Variants in ANTXR1 observed in about 807,000 individuals in gnomAD.
ANTXR1 encodes the protein anthrax toxin receptor 1.
A neutral mutation model predicts 78.1 loss-of-function variants in ANTXR1; 19 were observed. The observed-to-expected ratio is 0.24, with a 90% CI of 0.17 to 0.36. ANTXR1 has a LOEUF of 0.36. Among genes scored for constraint, ANTXR1 ranks in the 10% least tolerant of loss-of-function variants. The pLI is 1.00. For synonymous variants in ANTXR1, 273 were observed against 260.5 expected, an observed-to-expected ratio of 1.05 and a Z score of -0.46; for missense variants, 518 against 718.6, an observed-to-expected ratio of 0.72 and a Z score of 3.19.
chr2:69,099,405 C>T (rs1292660487), intron 9 of ANTXR1, among the ~76,000 whole-genome samples: 3 of 152,078 alleles, frequency 2.0e-5, no homozygotes, highest in East Asian at 1.9e-4. Context: ...CCACTGTGAC[C>T]GTTAATATGT....
chr2:69,146,750 G>T (rs1312261762), intron 12 of ANTXR1, among the ~76,000 whole-genome samples: 1 of 152,244 alleles, frequency 6.6e-6, no homozygotes, highest in African/African-American at 2.4e-5. Flanking sequence ...CACCCTGCCA[G>T]CTCTCATCTG....
intron 12 of ANTXR1, among the ~76,000 whole-genome samples, chr2:69,140,224 T>G (rs572644827): frequency 2.6e-4 from 40 of 152,336 alleles, no homozygotes; most frequent in Non-Finnish European, 3.4e-4. Flanking sequence ...ATGTCATCAA[T>G]CTTCCCCTTA....
rs72901333 is a variant in ANTXR1, at chr2:69,146,034, G to A, written c.952-6135G>A. 2,982 of 985,500 alleles carry A rather than the reference G, an allele frequency of 3.0e-3. 73 individuals carry two copies. In the African/African-American group the frequency reaches 0.049, roughly 16 times the overall value. 61.0% of individuals were successfully genotyped at this position (985,500 alleles called of 1,614,324 possible). On this transcript the variant is annotated intron_variant, in intron 12 of 17. Transcript: ENST00000303714. ...GGGAATTAAAGAAAGCCATGATGCAGGGATTTGGCCATTCAAGCCGGGCAG... is the reference window on the plus strand; with the variant it reads ...GGGAATTAAAGAAAGCCATGATGCAAGGATTTGGCCATTCAAGCCGGGCAG...
intron 14 of ANTXR1, among the ~76,000 whole-genome samples, chr2:69,175,834 A>G (rs143930618): frequency 6.6e-6 from 1 of 152,100 alleles, no homozygotes; most frequent in Non-Finnish European, 1.5e-5. Context: ...TTATTTTCAG[A>G]TTTATTATTA....
chr2:69,200,113 C>T (rs1015187197), intron 17 of ANTXR1, among the ~76,000 whole-genome samples: 3 of 152,170 alleles, frequency 2.0e-5, no homozygotes, highest in Non-Finnish European at 4.4e-5. Context: ...TCCCACTTCA[C>T]GTGCTCCCAG....
intron 6 of ANTXR1, 149 bp from the exon 7 acceptor site, chr2:69,075,441 T>G (rs1178724020): frequency 1.3e-6 from 1 of 774,376 alleles, no homozygotes; most frequent in Non-Finnish European, 2.3e-6. Flanking sequence ...CTGAGCTTCC[T>G]GGGGACAGGG....
At chr2:69,072,872 A>G in intron 5 of ANTXR1, 150 bp from the exon 6 acceptor site, 1 of 793,274 alleles carries the variant, frequency 1.3e-6, no homozygotes, top group Middle Eastern at 3.5e-4. Context: ...TTCATGCTGG[A>G]GTTGCTTCCA....
intron 3 of ANTXR1, among the ~76,000 whole-genome samples, chr2:69,051,211 G>A (rs1192353379): frequency 6.6e-6 from 1 of 151,984 alleles, no homozygotes; most frequent in Non-Finnish European, 1.5e-5. Context: ...CTGGGAGGCG[G>A]AGGTTGCAGT....
At chr2:69,148,163 TC>T (rs771496096) in intron 12 of ANTXR1, among the ~76,000 whole-genome samples, 2 of 152,092 alleles carry the variant, frequency 1.3e-5, no homozygotes, top group Non-Finnish European at 2.9e-5. Context: ...CACTAAGGGT[TC>T]CCCTGGGCTC....
intron 12 of ANTXR1, among the ~76,000 whole-genome samples, chr2:69,129,169 AC>A (rs1405379729): frequency 6.6e-6 from 1 of 152,186 alleles, no homozygotes; most frequent in African/African-American, 2.4e-5. Context: ...ACTTTTCTTC[AC>A]CAAACTCCAG....
chr2:69,126,027 C>G (rs1672524026), intron 12 of ANTXR1, among the ~76,000 whole-genome samples: 1 of 152,168 alleles, frequency 6.6e-6, no homozygotes, highest in African/African-American at 2.4e-5. Context: ...CCTTTGGAAG[C>G]TGTGTTGTTA....
At chr2:69,231,477 C>T (rs1675595459) in intron 17 of ANTXR1, among the ~76,000 whole-genome samples, 1 of 152,156 alleles carries the variant, frequency 6.6e-6, no homozygotes, top group East Asian at 1.9e-4. Context: ...TTCCACACAC[C>T]ATGAATGACC....
chr2:69,219,710 A>G (rs1048310340), intron 17 of ANTXR1, among the ~76,000 whole-genome samples: 18 of 152,300 alleles, frequency 1.2e-4, no homozygotes, highest in Non-Finnish European at 2.2e-4. Context: ...CTTGGTAATC[A>G]TGATTCAGTA....
intron 1 of ANTXR1, among the ~76,000 whole-genome samples, chr2:69,035,837 T>C (rs1321510300): frequency 6.6e-6 from 1 of 152,140 alleles, no homozygotes; most frequent in Non-Finnish European, 1.5e-5. Context: ...TTAGCAAGAG[T>C]TTTGATGGAT....
chr2:69,034,324 ACT>A (rs1671613628), intron 1 of ANTXR1, among the ~76,000 whole-genome samples: 1 of 152,158 alleles, frequency 6.6e-6, no homozygotes, highest in South Asian at 2.1e-4. Flanking sequence ...GAGGACATTG[ACT>A]CTGGTTTTGA....
rs1676087812 is a variant in ANTXR1 at position 69,249,254 on chromosome 2, G to C, written c.*3769G>C. The C allele has an allele frequency of 6.6e-6, 1 of 152,102 alleles. No individual in the cohort carries two copies. Among genetic ancestry groups the C allele is most frequent in the Non-Finnish European group, 1.5e-5 (1 of 68,034 alleles). 9.4% of individuals were successfully genotyped at this position (152,102 alleles called of 1,614,324 possible). On this transcript the variant is annotated 3_prime_UTR_variant, in exon 18 of 18. Coordinates refer to ENST00000303714, the MANE Select transcript of ANTXR1 (RefSeq NM_032208.3). ...CTGATCATAATACCATGCTATAGGA[G>C]ACTGGGCAAAACCTGTACAATGACA...
chr2:69,201,154 C>G (rs777288448), intron 17 of ANTXR1, among the ~76,000 whole-genome samples: 7 of 152,210 alleles, frequency 4.6e-5, no homozygotes, highest in Non-Finnish European at 8.8e-5. Context: ...GTGTGAAAGG[C>G]TCTGTGATGG....
At position 69,013,742 on chromosome 2, in the gene ANTXR1, G is replaced by C; in HGVS notation, c.152+91G>C. On this transcript the variant is annotated intron_variant, in intron 1 of 17. Coordinates refer to ENST00000303714, the MANE Select transcript of ANTXR1 (RefSeq NM_032208.3). This position sits in a 1 kb window ranked among gnomAD's most constrained non-coding sequence, Gnocchi z 5.0. ...GGGCTCGTTGGCAGGGTCGCCTGGGGACAGGAGCGCATCTCCAGGGCCACA... is the reference window on the plus strand; with the variant it reads ...GGGCTCGTTGGCAGGGTCGCCTGGGCACAGGAGCGCATCTCCAGGGCCACA... The C allele has an allele frequency of 6.5e-7, 1 of 1,545,930 alleles. No homozygotes were observed. Among genetic ancestry groups the C allele is most frequent in the South Asian group, 1.2e-5 (1 of 83,782 alleles).
chr2:69,075,807 G>A, intron 7 of ANTXR1, 149 bp downstream of exon 7: 1 of 793,326 alleles, frequency 1.3e-6, no homozygotes, highest in South Asian at 1.5e-5. Context: ...AGGAATTACT[G>A]GTTGTGTAAG....
Sources: gnomAD v4.1 joint callset for allele counts (sites outside exome capture counted in the v4.1 genomes callset) on GRCh38, gnomAD v4.1.1 for gene constraint, Gnocchi (gnomAD v3.1) non-coding constraint, MANE v1.5 for transcripts, NCBI Gene and HGNC (gene_info 2026-07-23, HGNC 2026-07-21) for gene names.